BCKDHB: variants seen among roughly 807,000 people sequenced by gnomAD.
BCKDHB encodes 2-oxoisovalerate dehydrogenase subunit beta, mitochondrial.
Under a neutral mutation model 48.5 loss-of-function variants are expected in BCKDHB, and 41 were observed. That is an observed-to-expected ratio of 0.85 (90% CI 0.66 to 1.10). The LOEUF is 1.10. Ranked by LOEUF, BCKDHB falls within the 50% of genes least tolerant of loss-of-function variation. The pLI is 0.00. For synonymous variants in BCKDHB, 201 were observed against 174.8 expected, an observed-to-expected ratio of 1.15 and a Z score of -1.18; for missense variants, 496 against 494.2, an observed-to-expected ratio of 1.00 and a Z score of -0.03.
chr6:80,248,979 G>GT (rs1198648242), intron 8 of BCKDHB, among the ~76,000 whole-genome samples: 22 of 151,730 alleles, frequency 1.4e-4, no homozygotes, highest in African/African-American at 5.1e-4. Flanking sequence ...GTGTGGAGGT[G>GT]TGTATGTCTT....
intron 3 of BCKDHB, among the ~76,000 whole-genome samples, chr6:80,134,298 A>G (rs1292686866): frequency 1.3e-5 from 2 of 152,204 alleles, no homozygotes; most frequent in African/African-American, 4.8e-5. Context: ...TTTACACCAC[A>G]GGTGTGGCCT....
At chr6:80,351,674 A>C in the BCKDHB span, among the ~76,000 whole-genome samples, 1 of 131,750 alleles carries the variant, frequency 7.6e-6, no homozygotes. Context: ...ACAGGGTGTC[A>C]CTCTGTCACC....
At chr6:80,327,190 CATTT>C (rs949023466) in intron 9 of BCKDHB, among the ~76,000 whole-genome samples, 8 of 152,250 alleles carry the variant, frequency 5.3e-5, no homozygotes, top group African/African-American at 1.7e-4. Context: ...GTCAAAAATA[CATTT>C]AATACACCTA....
chr6:80,372,107 C>T, the BCKDHB span, among the ~76,000 whole-genome samples: 1 of 151,924 alleles, frequency 6.6e-6, no homozygotes, highest in Non-Finnish European at 1.5e-5. Flanking sequence ...TTCTACCCAC[C>T]CGTAAGTATG....
intron 9 of BCKDHB, among the ~76,000 whole-genome samples, chr6:80,323,057 C>T (rs1768831382): frequency 6.6e-6 from 1 of 152,158 alleles, no homozygotes; most frequent in Non-Finnish European, 1.5e-5. Flanking sequence ...TGTTCTGCCA[C>T]ATGCAAAGTG....
chr6:80,458,205 A>G, the BCKDHB span, among the ~76,000 whole-genome samples: 1 of 152,182 alleles, frequency 6.6e-6, no homozygotes, highest in Non-Finnish European at 1.5e-5. Context: ...TTTTCTGCAC[A>G]ATTTCTGCAG....
upstream of BCKDHB, chr6:80,106,653 C>T (rs763746493): frequency 2.9e-5 from 44 of 1,540,238 alleles, no homozygotes; most frequent in East Asian, 5.6e-4. Flanking sequence ...CCGCAGGCGG[C>T]GTGCGGCTGC....
intron 9 of BCKDHB, among the ~76,000 whole-genome samples, chr6:80,336,127 A>G (rs1306552388): frequency 2.6e-5 from 4 of 151,964 alleles, no homozygotes; most frequent in South Asian, 2.1e-4. Flanking sequence ...TAAAATTGTT[A>G]TAATCTCTAA....
At chr6:80,298,454 A>G (rs549492240) in intron 9 of BCKDHB, among the ~76,000 whole-genome samples, 1 of 152,330 alleles carries the variant, frequency 6.6e-6, no homozygotes, top group Admixed American at 6.5e-5. Flanking sequence ...CAAGTGGCCA[A>G]TATGTCTGGC....
chr6:80,458,620 T>A, the BCKDHB span, among the ~76,000 whole-genome samples: 4 of 152,300 alleles, frequency 2.6e-5, no homozygotes, highest in East Asian at 7.7e-4. Flanking sequence ...GTAATAGAAA[T>A]CCCTCATGGA....
chr6:80,388,284 G>T, the BCKDHB span, among the ~76,000 whole-genome samples: 1 of 152,188 alleles, frequency 6.6e-6, no homozygotes, highest in Admixed American at 6.5e-5. Context: ...GATGTTTGAG[G>T]TGTCAGTGGC....
At chr6:80,236,778 A>G (rs1776164555) in intron 8 of BCKDHB, among the ~76,000 whole-genome samples, 1 of 152,230 alleles carries the variant, frequency 6.6e-6, no homozygotes, top group South Asian at 2.1e-4. Context: ...GTATGTATGT[A>G]AGTCAATATG....
the BCKDHB span, among the ~76,000 whole-genome samples, chr6:80,377,382 G>A: frequency 5.9e-5 from 9 of 152,182 alleles, no homozygotes; most frequent in South Asian, 1.9e-3. Flanking sequence ...TTTTTGGTTG[G>A]TCATCCTTTT....
the BCKDHB span, among the ~76,000 whole-genome samples, chr6:80,380,512 G>A: frequency 3.8e-3 from 576 of 151,872 alleles, 7 homozygotes; most frequent in African/African-American, 0.013. Context: ...AAACTCTTCT[G>A]GATATTGTTC....
At chr6:80,423,959 C>A in the BCKDHB span, among the ~76,000 whole-genome samples, 1 of 152,120 alleles carries the variant, frequency 6.6e-6, no homozygotes, top group African/African-American at 2.4e-5. Context: ...GGGAGAGATA[C>A]TTGCAGTGTC....
chr6:80,444,652 G>A, the BCKDHB span, among the ~76,000 whole-genome samples: 2 of 152,130 alleles, frequency 1.3e-5, no homozygotes, highest in Non-Finnish European at 2.9e-5. Context: ...ACTGACTGAT[G>A]AGCTGAATTG....
At chr6:80,297,569 G>A (rs1012025652) in intron 9 of BCKDHB, among the ~76,000 whole-genome samples, 3 of 152,200 alleles carry the variant, frequency 2.0e-5, no homozygotes, top group African/African-American at 7.2e-5. Flanking sequence ...GGTCTAATAA[G>A]CAGACACAGC....
At chr6:80,408,647 G>T in the BCKDHB span, among the ~76,000 whole-genome samples, 1 of 152,070 alleles carries the variant, frequency 6.6e-6, no homozygotes, top group African/African-American at 2.4e-5. Flanking sequence ...TTTGCATAGA[G>T]GTGTTTATGG....
At chr6:80,462,173 T>C in the BCKDHB span, among the ~76,000 whole-genome samples, 1 of 152,234 alleles carries the variant, frequency 6.6e-6, no homozygotes, top group African/African-American at 2.4e-5. Flanking sequence ...TTAGGAGTTC[T>C]TTCTTGTTAC....
Sources: gnomAD v4.1 joint callset for allele counts (sites outside exome capture counted in the v4.1 genomes callset) on GRCh38, gnomAD v4.1.1 for gene constraint, MANE v1.5 for transcripts, NCBI Gene and HGNC (gene_info 2026-07-23, HGNC 2026-07-21) for gene names.